Variants in MYPN observed in about 807,000 individuals in gnomAD.
The protein encoded by MYPN is myopalladin, also known as sarcomeric protein myopalladin, 145 kDa (MYOP).
In MYPN, 63 loss-of-function variants were observed where a neutral mutation model predicts 129.4. That is an observed-to-expected ratio of 0.49 (90% CI 0.40 to 0.60). MYPN has a LOEUF of 0.60. MYPN is among the 20% of genes least tolerant of loss of function. The pLI is 0.00. For synonymous variants in MYPN, 629 were observed against 600.9 expected (o/e 1.05, Z -0.68); for missense variants, 1,596 against 1,635.4 (o/e 0.98, Z 0.42).
rs968488901 is a variant in MYPN at position 68,211,463 on chromosome 10, A to T, written c.*1008A>T. 6.6e-6 allele frequency: 3 copies of T among 454,012 alleles called. No individual in the cohort carries two copies. The highest frequency in any genetic ancestry group is 1.3e-5 in the Non-Finnish European group (3 of 226,770). The allele number at this position is 454,012 out of a possible 1,614,324, so 28.1% of individuals were successfully genotyped here. On this transcript the variant is annotated 3_prime_UTR_variant, in exon 20 of 20. Transcript: ENST00000358913. ...AGCAGAGCAGGGGTTTTGGAAGGAG[A>T]GGTCTTTAATAGCTTTGAAATGCTT...
intron 2 of MYPN, among the ~76,000 whole-genome samples, chr10:68,139,169 A>T (rs921099763): frequency 3.5e-4 from 53 of 152,242 alleles, no homozygotes; most frequent in African/African-American, 1.2e-3. Flanking sequence ...AGAAGAGGAG[A>T]AGTGACCTAG....
intron 1 of MYPN, among the ~76,000 whole-genome samples, chr10:68,092,091 GAA>G (rs1216458236): frequency 1.3e-5 from 2 of 152,044 alleles, no homozygotes; most frequent in East Asian, 1.9e-4. Flanking sequence ...CTAAAAAAAA[GAA>G]AAGAGTATTT....
rs794729068 is a variant in MYPN, at chr10:68,121,798, T to A, written c.360T>A (p.Asp120Glu). ...GTTTTGAGCCTAACTTCTGCCAGGA[T>A]AACCCTCGAAGTCCCACCAGCTCTA... is the stretch of plus-strand genomic sequence containing the variant. ...NLSFEPNFCQ[D>E]NPRSPTSSKE... The change falls in exon 2 of 20, where the codon GAT becomes GAA. Residue 120 changes from aspartate (D) to glutamate (E), a missense_variant. Physicochemically the swap from Asp to Glu is conservative, Grantham distance 45. Coordinates refer to ENST00000358913, the MANE Select transcript of MYPN (RefSeq NM_032578.4). 6.2e-7 allele frequency: 1 copy of A among 1,614,184 alleles called. No individual in the cohort carries two copies. Among genetic ancestry groups the A allele is most frequent in the Non-Finnish European group, 8.5e-7 (1 of 1,180,024 alleles).
chr10:68,178,489 C>A (rs1426155579), intron 12 of MYPN, among the ~76,000 whole-genome samples: 1 of 151,770 alleles, frequency 6.6e-6, no homozygotes, highest in African/African-American at 2.4e-5. Flanking sequence ...CCGAGACAGG[C>A]GGATCACTTG....
At chr10:68,169,800 CGTG>C (rs2043117511) in intron 10 of MYPN, among the ~76,000 whole-genome samples, 1 of 151,510 alleles carries the variant, frequency 6.6e-6, no homozygotes, top group Admixed American at 6.6e-5. Flanking sequence ...AGTGCACTGG[CGTG>C]ATCTCAGCTC....
intron 7 of MYPN, among the ~76,000 whole-genome samples, chr10:68,160,886 C>T (rs991944431): frequency 1.3e-5 from 2 of 152,190 alleles, no homozygotes; most frequent in Non-Finnish European, 2.9e-5. Flanking sequence ...CACTGTACTC[C>T]AGCCTGGGCA....
chr10:68,109,104 G>A (rs756527320), upstream of MYPN: 5 of 158,954 alleles, frequency 3.1e-5, no homozygotes, highest in Admixed American at 6.1e-5. Context: ...GCTTTAAAAC[G>A]TTAGACCTTA....
At chr10:68,175,587 A>C (rs2043215779) in intron 12 of MYPN, 126 bp downstream of exon 12, 1 of 1,043,654 alleles carries the variant, frequency 9.6e-7, no homozygotes, top group Non-Finnish European at 1.5e-6. Flanking sequence ...ATGGTAGAGC[A>C]CAGACTAACC....
intron 15 of MYPN, among the ~76,000 whole-genome samples, chr10:68,195,957 C>T (rs550014523): frequency 1.3e-5 from 2 of 152,206 alleles, no homozygotes; most frequent in East Asian, 1.9e-4. Context: ...CGCATGCCAC[C>T]ATGCTGGCTC....
intron 5 of MYPN, 33 bp downstream of exon 5, chr10:68,148,500 C>T (rs1216001041): frequency 6.5e-7 from 1 of 1,540,470 alleles, no homozygotes; most frequent in East Asian, 2.2e-5. Context: ...CAAGTGCCAT[C>T]CACTGTGACA....
intron 15 of MYPN, among the ~76,000 whole-genome samples, chr10:68,196,487 T>TTTTTTC (rs1290920662): frequency 3.9e-5 from 4 of 102,188 alleles, no homozygotes; most frequent in Admixed American, 3.1e-4. Flanking sequence ...CTTCTTCTTT[T>TTTTTTC]TTTTTTTTTT....
At chr10:68,166,911 C>T (rs2043064773) in intron 10 of MYPN, among the ~76,000 whole-genome samples, 1 of 152,050 alleles carries the variant, frequency 6.6e-6, no homozygotes, top group Non-Finnish European at 1.5e-5. Context: ...TGGTGGTGCA[C>T]ACCTATAGTC....
chr10:68,107,050 C>T (rs1466363301), upstream of MYPN, among the ~76,000 whole-genome samples: 1 of 152,186 alleles, frequency 6.6e-6, no homozygotes, highest in Non-Finnish European at 1.5e-5. Context: ...AAATCTTGAA[C>T]TAGTAGGTTT....
chr10:68,175,404 A>G lies in MYPN; in HGVS notation c.2646A>G (p.Ala882=). The change falls in exon 12 of 20, where the codon GCA becomes GCG. Residue 882 remains alanine, a synonymous_variant. Transcript: ENST00000358913. ...ATAACATTCGTGAAACTAAGAACGC[A>G]GTGATTCGAGACTTGGGGAAAAAAA... The part of the protein sequence containing the change: ...NDDNIRETKN[A]VIRDLGKKIT... The G allele has an allele frequency of 6.2e-7, 1 of 1,614,208 alleles. No homozygotes were observed. Among genetic ancestry groups the G allele is most frequent in the Non-Finnish European group, 8.5e-7 (1 of 1,180,010 alleles).
At position 68,194,404 on chromosome 10, in the gene MYPN, T is replaced by G. The variant is rs751078168; in HGVS notation, c.2967T>G (p.Asn989Lys). The change falls in exon 14 of 20, where the codon AAT becomes AAG. Residue 989 changes from asparagine (N) to lysine (K), a missense_variant. Coordinates refer to ENST00000358913, the MANE Select transcript of MYPN (RefSeq NM_032578.4). ...ATGGGAAGCAGATTTCTAAGAGAAA[T>G]GAGCACTGCAAAATGAGGCGAGAAG... The part of the protein sequence containing the change: ...FKDGKQISKR[N>K]EHCKMRREGD... 1 of 1,613,842 alleles carries G rather than the reference T, an allele frequency of 6.2e-7. No individual in the cohort carries two copies. Among genetic ancestry groups the G allele is most frequent in the Non-Finnish European group, 8.5e-7 (1 of 1,179,842 alleles).
At chr10:68,143,974 T>C (rs1301290201) in intron 3 of MYPN, among the ~76,000 whole-genome samples, 2 of 152,110 alleles carry the variant, frequency 1.3e-5, no homozygotes, top group African/African-American at 4.8e-5. Flanking sequence ...AGGCTGTTCT[T>C]GGACTCCTCA....
intron 2 of MYPN, among the ~76,000 whole-genome samples, chr10:68,138,736 A>G (rs140369242): frequency 2.7e-4 from 41 of 152,190 alleles, no homozygotes; most frequent in African/African-American, 9.6e-4. Context: ...AAGGGTTAGC[A>G]CCCTTTAAAC....
rs566237372 is a variant in MYPN, at chr10:68,149,043, T to C, written c.1245+576T>C. Among the ~76,000 whole-genome samples the C allele has an allele frequency of 3.8e-4, 58 of 151,986 alleles. 2 individuals carry two copies. In the South Asian group the frequency reaches 0.012, roughly 31 times the overall value. Reference sequence around the variant, plus strand: ...GAGTTTGAGACCCGTCTGGGCAACATAGCGAGACCCTATCTCTACAAAAAA... The same window carrying C: ...GAGTTTGAGACCCGTCTGGGCAACACAGCGAGACCCTATCTCTACAAAAAA... On this transcript the variant is annotated intron_variant, in intron 5 of 19. Coordinates refer to ENST00000358913, the MANE Select transcript of MYPN (RefSeq NM_032578.4).
Position 68,169,181 on chromosome 10 carries a change from T to TAAAAAAAAAAA in MYPN, c.1973+2532_1973+2542dup, listed in dbSNP as rs59317396. 7.8e-4 allele frequency among the ~76,000 whole-genome samples: 71 copies of TAAAAAAAAAAA among 91,066 alleles called. 2 individuals carry two copies. The highest frequency in any genetic ancestry group is 4.6e-3 in the African/African-American group (69 of 14,910). 59.7% of individuals were successfully genotyped at this position (91,066 alleles called of 152,430 possible). On this transcript the variant is annotated intron_variant, in intron 10 of 19. Coordinates refer to ENST00000358913, the MANE Select transcript of MYPN (RefSeq NM_032578.4). ...TAACACGGTGAAACTCCGTCTCTAC[T>TAAAAAAAAAAA]AAAAAAAAAAAAAAAAAAAAAAAAA...
Sources: gnomAD v4.1 joint callset for allele counts (sites outside exome capture counted in the v4.1 genomes callset) on GRCh38, gnomAD v4.1.1 for gene constraint, MANE v1.5 for transcripts, NCBI Gene and HGNC (gene_info 2026-07-23, HGNC 2026-07-21) for gene names.